ELAPOR2: variants seen among roughly 807,000 people sequenced by gnomAD.
The protein encoded by ELAPOR2 is endosome/lysosome-associated apoptosis and autophagy regulator family member 2.
A neutral mutation model predicts 120.7 loss-of-function variants in ELAPOR2; 89 were observed. The ratio of observed to expected loss-of-function variants is 0.74; its 90% CI spans 0.62 to 0.88. The LOEUF is 0.88. ELAPOR2 is among the 40% of genes least tolerant of loss of function. The pLI is 0.00. For missense variants in ELAPOR2, 1,134 were observed against 1,251.6 expected (o/e 0.91, Z 1.42); for synonymous variants, 444 against 444.9 (o/e 1.00, Z 0.03).
At chr7:86,920,187 T>C (rs1471680804) in intron 10 of ELAPOR2, among the ~76,000 whole-genome samples, 1 of 152,180 alleles carries the variant, frequency 6.6e-6, no homozygotes, top group Non-Finnish European at 1.5e-5. Context: ...AGAGATGATA[T>C]GTTGACTATA....
At chr7:86,969,451 T>G (rs1792031867) in intron 1 of ELAPOR2, among the ~76,000 whole-genome samples, 1 of 152,212 alleles carries the variant, frequency 6.6e-6, no homozygotes, top group East Asian at 1.9e-4. Context: ...TATTGCATCT[T>G]AAATATGATT....
At chr7:86,928,518 C>T (rs1195574022) in intron 8 of ELAPOR2, among the ~76,000 whole-genome samples, 4 of 151,886 alleles carry the variant, frequency 2.6e-5, no homozygotes, top group Admixed American at 6.6e-5. Context: ...GCGGTGCTGA[C>T]ACCCTGTACT....
intron 1 of ELAPOR2, among the ~76,000 whole-genome samples, chr7:87,014,164 G>A (rs192517584): frequency 3.3e-5 from 5 of 151,754 alleles, no homozygotes; most frequent in Admixed American, 6.6e-5. Flanking sequence ...TATGAGTTAC[G>A]GTGCTGTTGG....
chr7:86,992,272 G>GT (rs989794385), intron 1 of ELAPOR2, among the ~76,000 whole-genome samples: 25 of 152,078 alleles, frequency 1.6e-4, no homozygotes, highest in African/African-American at 6.0e-4. Context: ...TATGAAAAAA[G>GT]TTTAAAAATT....
chr7:86,916,273 G>A (rs1372809401), intron 12 of ELAPOR2, among the ~76,000 whole-genome samples: 2 of 152,192 alleles, frequency 1.3e-5, no homozygotes, highest in East Asian at 3.9e-4. Flanking sequence ...GGAGAGAGTG[G>A]CTAACTTGAC....
intron 1 of ELAPOR2, among the ~76,000 whole-genome samples, chr7:87,015,790 A>C (rs1347101907): frequency 6.6e-6 from 1 of 152,098 alleles, no homozygotes; most frequent in Non-Finnish European, 1.5e-5. Flanking sequence ...ACGCCACTGC[A>C]CTCCAGCCTG....
intron 1 of ELAPOR2, among the ~76,000 whole-genome samples, chr7:86,988,819 T>G (rs1274774410): frequency 6.6e-6 from 1 of 152,236 alleles, no homozygotes; most frequent in East Asian, 1.9e-4. Flanking sequence ...GAACCGATCA[T>G]GCAGCCTTAA....
intron 1 of ELAPOR2, among the ~76,000 whole-genome samples, chr7:87,000,779 A>C (rs1445086882): frequency 2.0e-5 from 3 of 152,118 alleles, no homozygotes; most frequent in South Asian, 4.1e-4. Context: ...TATGTTGCTA[A>C]ATTTCTGGCA....
intron 1 of ELAPOR2, among the ~76,000 whole-genome samples, chr7:87,020,010 TTA>T (rs1426408004): frequency 1.3e-5 from 2 of 152,178 alleles, no homozygotes; most frequent in African/African-American, 4.8e-5. Context: ...TCATTTAAAA[TTA>T]TGTTATACCA....
intron 6 of ELAPOR2, 76 bp from the exon 7 acceptor site, chr7:86,939,036 T>C: frequency 6.7e-7 from 1 of 1,491,564 alleles, no homozygotes; most frequent in Non-Finnish European, 9.2e-7. Flanking sequence ...CTTCTGCTTC[T>C]ACCCAGAAGT....
At position 86,967,519 on chromosome 7, in the gene ELAPOR2, C is replaced by T. The variant is rs555372455; in HGVS notation, c.190-2495G>A. Among the ~76,000 whole-genome samples, 34 of 152,118 alleles carry T rather than the reference C, an allele frequency of 2.2e-4. 1 individual carries two copies. The highest frequency in any genetic ancestry group is 4.0e-4 in the Non-Finnish European group (27 of 67,980). On this transcript the variant is annotated intron_variant, in intron 1 of 21. Transcript: ENST00000450689. The stretch of plus-strand genomic sequence containing the variant: ...TGTTCCACTGAAAAGATTCTGGCCC[C>T]TATATATAAAATTTAGGTGATTTCT...
chr7:86,944,176 A>G (rs756313542), intron 4 of ELAPOR2, among the ~76,000 whole-genome samples: 1 of 152,128 alleles, frequency 6.6e-6, no homozygotes, highest in Non-Finnish European at 1.5e-5. Flanking sequence ...TTGGTTTGGT[A>G]TAAGAAGTCA....
chr7:86,898,159 C>T (rs1405707194), intron 18 of ELAPOR2, among the ~76,000 whole-genome samples: 2 of 151,938 alleles, frequency 1.3e-5, no homozygotes, highest in Non-Finnish European at 2.9e-5. Flanking sequence ...TATTATTCAG[C>T]CATAAAAGAA....
At chr7:87,012,187 A>G (rs898786516) in intron 1 of ELAPOR2, among the ~76,000 whole-genome samples, 36 of 152,286 alleles carry the variant, frequency 2.4e-4, no homozygotes, top group South Asian at 1.2e-3. Flanking sequence ...CAAGGTGGGC[A>G]GATCACAAGG....
intron 1 of ELAPOR2, among the ~76,000 whole-genome samples, chr7:87,028,403 T>A (rs1454556728): frequency 2.0e-5 from 3 of 152,170 alleles, no homozygotes; most frequent in Admixed American, 1.3e-4. Context: ...TGGGACACCA[T>A]CGTCCATTGG....
chr7:86,927,150 C>T (rs1163005108), intron 8 of ELAPOR2, among the ~76,000 whole-genome samples: 1 of 151,888 alleles, frequency 6.6e-6, no homozygotes, highest in African/African-American at 2.4e-5. Flanking sequence ...TCGTACACAG[C>T]ATGTTCCTCA....
chr7:86,914,757 G>A lies in ELAPOR2; in HGVS notation c.1697C>T (p.Thr566Ile). The A allele has an allele frequency of 6.2e-7, 1 of 1,611,878 alleles. No individual in the cohort carries two copies. The highest frequency in any genetic ancestry group is 2.2e-5 in the East Asian group (1 of 44,724). The change falls in exon 13 of 22, where the codon ACA becomes ATA. Residue 566 changes from threonine (T) to isoleucine (I), a missense_variant. Physicochemically the swap from Thr to Ile is moderately conservative, Grantham distance 89. Around this residue, in one of 3 missense-constraint regions of ELAPOR2, gnomAD observed 831 missense variants for 867.6 expected, o/e 0.96. Coordinates refer to ENST00000450689, the MANE Select transcript of ELAPOR2 (RefSeq NM_001142749.3). ...CTGATTAGTTCTCTGGAATGCCCAT[G>A]TAAATGTAAAAGTTGCATTCTTGAA... Reference protein sequence around the residue: ...IIFKNATFTFTWAFQRTNQGQ... With the variant: ...IIFKNATFTFIWAFQRTNQGQ...
intron 21 of ELAPOR2, 60 bp downstream of exon 21, chr7:86,891,664 G>A: frequency 7.1e-7 from 1 of 1,413,856 alleles, no homozygotes; most frequent in Non-Finnish European, 9.7e-7. Flanking sequence ...CTATTATTAG[G>A]TTAATATGCC....
chr7:86,926,914 TGTC>T lies in ELAPOR2; in HGVS notation c.1090-1_1091del. ...GCTCTATCCACTTGTACATTATCTG[TGTC>T]TACAAAAAAAAAAAAAAAAAAAAAG... On this transcript the variant is annotated splice_acceptor_variant and coding_sequence_variant, in exon 9 of 22. Transcript: ENST00000450689. LOFTEE classifies it high-confidence loss of function. 1 of 1,307,118 alleles carries T rather than the reference TGTC, an allele frequency of 7.7e-7. No homozygotes were observed. Among genetic ancestry groups the T allele is most frequent in the Non-Finnish European group, 9.7e-7 (1 of 1,030,836 alleles). 81.0% of individuals were successfully genotyped at this position (1,307,118 alleles called of 1,614,324 possible). A position where few individuals can be genotyped will look rare whatever the true frequency, so the allele number is the denominator to read the frequency against.
Sources: allele counts gnomAD v4.1 joint callset (sites outside exome capture counted in the v4.1 genomes callset), GRCh38; gene constraint gnomAD v4.1.1; regional missense constraint gnomAD v4.1.1; transcripts MANE v1.5; gene names NCBI Gene and HGNC (gene_info 2026-07-23, HGNC 2026-07-21).